Variants in ANKRD30BL observed in about 807,000 individuals in gnomAD.
The protein encoded by ANKRD30BL is ankyrin repeat domain 30B like.
In ANKRD30BL, 20 loss-of-function variants were observed where a neutral mutation model predicts 18.4. The ratio of observed to expected loss-of-function variants is 1.09; its 90% confidence interval spans 0.77 to 1.58. The LOEUF is 1.58. Ranked by LOEUF, ANKRD30BL falls within the 40% of genes most tolerant of loss-of-function variation. The probability of loss-of-function intolerance (pLI) is 0.00; values close to 1 mark genes in which losing one functional copy is unlikely to be tolerated. For missense variants in ANKRD30BL, 224 were observed against 268.6 expected, an observed-to-expected ratio of 0.83 and a Z score of 1.16; for synonymous variants, 72 against 100.9, an observed-to-expected ratio of 0.71 and a Z score of 1.72.
intron 1 of ANKRD30BL, chr2:132,256,916 G>A: frequency 2.1e-6 from 1 of 472,306 alleles, no homozygotes; most frequent in Non-Finnish European, 4.2e-6. Flanking sequence ...CAAGGCCAGG[G>A]ACCGCGAGGG....
chr2:132,200,356 C>A (rs566021414), intron 1 of ANKRD30BL, among the ~76,000 whole-genome samples: 2 of 152,112 alleles, frequency 1.3e-5, no homozygotes, highest in African/African-American at 4.8e-5. Context: ...GTCAAATTGT[C>A]CCTGTTTGCA....
At chr2:132,252,950 C>A (rs113852789) in intron 1 of ANKRD30BL, among the ~76,000 whole-genome samples, 1 of 152,076 alleles carries the variant, frequency 6.6e-6, no homozygotes, top group Admixed American at 6.6e-5. Flanking sequence ...TTCCTCACAG[C>A]CGGGAGCCCC....
intron 1 of ANKRD30BL, among the ~76,000 whole-genome samples, chr2:132,251,508 T>C (rs111244029): frequency 1.1e-4 from 16 of 151,684 alleles, no homozygotes; most frequent in Non-Finnish European, 1.6e-4. Context: ...CATAGTCTGT[T>C]CTCCATCTTT....
At chr2:132,154,573 G>C in intron 4 of ANKRD30BL, 89 bp downstream of exon 4, 1 of 520,966 alleles carries the variant, frequency 1.9e-6, no homozygotes, top group South Asian at 3.2e-5. Context: ...ATAATTTTAA[G>C]TAAATGTTAC....
chr2:132,215,677 T>A (rs914995564), intron 1 of ANKRD30BL, among the ~76,000 whole-genome samples: 1 of 151,528 alleles, frequency 6.6e-6, no homozygotes, highest in Non-Finnish European at 1.5e-5. Context: ...TTGAGGCCTA[T>A]GGTGGAAAAG....
intron 1 of ANKRD30BL, among the ~76,000 whole-genome samples, chr2:132,170,922 C>T (rs12471284): frequency 0.22 from 33,975 of 152,076 alleles, 3,934 homozygotes; most frequent in Non-Finnish European, 0.26. Flanking sequence ...TTTGGGAGGC[C>T]GAGGCGGGCG....
At chr2:132,214,502 C>T (rs981692910) in intron 1 of ANKRD30BL, among the ~76,000 whole-genome samples, 1 of 150,396 alleles carries the variant, frequency 6.6e-6, no homozygotes, top group African/African-American at 2.5e-5. Flanking sequence ...GAAATATCTT[C>T]ACACAAAAAA....
chr2:132,189,024 A>C (rs1463913004), intron 1 of ANKRD30BL, among the ~76,000 whole-genome samples: 1 of 152,058 alleles, frequency 6.6e-6, no homozygotes, highest in Non-Finnish European at 1.5e-5. Context: ...CATCGAACCC[A>C]GTCACAGGTT....
chr2:132,252,654 G>A (rs902152870), intron 1 of ANKRD30BL, among the ~76,000 whole-genome samples: 10 of 152,114 alleles, frequency 6.6e-5, no homozygotes, highest in Non-Finnish European at 1.0e-4. Flanking sequence ...GGTGGACGGC[G>A]AACTGCGGCG....
chr2:132,233,022 G>A (rs1428793320), intron 1 of ANKRD30BL, among the ~76,000 whole-genome samples: 1 of 151,988 alleles, frequency 6.6e-6, no homozygotes, highest in Middle Eastern at 3.2e-3. Context: ...GAGAGTGGGG[G>A]CCGATATTCA....
rs1311089741 is a variant in ANKRD30BL at position 132,147,960 on chromosome 2, C to T, written c.*171G>A. The T allele has an allele frequency of 5.0e-6, 3 of 597,362 alleles. No individual in the cohort carries two copies. Among genetic ancestry groups the T allele is most frequent in the East Asian group, 6.0e-5 (2 of 33,140 alleles). 37.0% of individuals were successfully genotyped at this position (597,362 alleles called of 1,614,324 possible). A position where few individuals can be genotyped will look rare whatever the true frequency, so the allele number is the denominator to read the frequency against. ...TGAAACTAGGGGCAAGGAGGCATAA[C>T]GAACGAGGAAGTTAAACTTTAAAAC... On this transcript the variant is annotated 3_prime_UTR_variant, in exon 6 of 6. Coordinates refer to ENST00000409867, the MANE Select transcript of ANKRD30BL (RefSeq NM_001358416.1).
At chr2:132,158,050 T>G (rs970372072) in intron 1 of ANKRD30BL, among the ~76,000 whole-genome samples, 2 of 152,096 alleles carry the variant, frequency 1.3e-5, no homozygotes, top group African/African-American at 4.8e-5. Flanking sequence ...TTGCAGAAAT[T>G]TAAACAATCT....
intron 1 of ANKRD30BL, among the ~76,000 whole-genome samples, chr2:132,204,753 C>T (rs936094003): frequency 8.6e-5 from 13 of 152,020 alleles, no homozygotes; most frequent in Admixed American, 7.9e-4. Flanking sequence ...TTCTTGGCCA[C>T]TGGCTTGATA....
chr2:132,173,487 C>T (rs542558630), intron 1 of ANKRD30BL, among the ~76,000 whole-genome samples: 86 of 151,756 alleles, frequency 5.7e-4, no homozygotes, highest in Non-Finnish European at 1.2e-3. Flanking sequence ...TTAGTAAAGA[C>T]TGGGTTTCAC....
chr2:132,191,524 G>A (rs1400959930), intron 1 of ANKRD30BL, among the ~76,000 whole-genome samples: 1 of 152,050 alleles, frequency 6.6e-6, no homozygotes, highest in Non-Finnish European at 1.5e-5. Context: ...GGTGTTGTAT[G>A]TCCTCTCAAA....
At chr2:132,238,555 T>C (rs1235755218) in intron 1 of ANKRD30BL, among the ~76,000 whole-genome samples, 1 of 151,968 alleles carries the variant, frequency 6.6e-6, no homozygotes, top group Non-Finnish European at 1.5e-5. Context: ...AACACTCTTT[T>C]TGTAGAATCT....
At chr2:132,167,096 C>T (rs1426646103) in intron 1 of ANKRD30BL, among the ~76,000 whole-genome samples, 1 of 150,778 alleles carries the variant, frequency 6.6e-6, no homozygotes, top group Admixed American at 6.6e-5. Context: ...ATTCTTCCTG[C>T]TATTTATTTC....
intron 1 of ANKRD30BL, among the ~76,000 whole-genome samples, chr2:132,217,030 T>C (rs1056415968): frequency 6.6e-6 from 1 of 152,056 alleles, no homozygotes; most frequent in African/African-American, 2.4e-5. Flanking sequence ...AACACTCTTT[T>C]TGACGAATCT....
At position 132,257,034 on chromosome 2, in the gene ANKRD30BL, G is replaced by A. The variant is rs556166470; in HGVS notation, n.441+495C>T. ...GGATCCCACCGCCACAGACAGGAGG[G>A]AGGTACCGCAGCGACCCGCCTAGGA... On this transcript the variant is annotated intron_variant and non_coding_transcript_variant, in intron 1 of 4. Coordinates refer to the ANKRD30BL transcript ENST00000470729. 1,708 of 517,342 alleles carry A rather than the reference G, an allele frequency of 3.3e-3. 5 individuals carry two copies. The highest frequency in any genetic ancestry group is 5.4e-3 in the Non-Finnish European group (1,388 of 258,830). 32.0% of individuals were successfully genotyped at this position (517,342 alleles called of 1,614,324 possible). A position where few individuals can be genotyped will look rare whatever the true frequency, so the allele number is the denominator to read the frequency against.
Sources: gnomAD v4.1 joint callset for allele counts (sites outside exome capture counted in the v4.1 genomes callset) on GRCh38, gnomAD v4.1.1 for gene constraint, MANE v1.5 for transcripts, NCBI Gene and HGNC (gene_info 2026-07-23, HGNC 2026-07-21) for gene names.